ROBO2: variants seen among roughly 807,000 people sequenced by gnomAD.
The protein encoded by ROBO2 is roundabout guidance receptor 2.
Under a neutral mutation model 160.8 loss-of-function variants are expected in ROBO2, and 53 were observed. That is an observed-to-expected ratio of 0.33 (90% CI 0.26 to 0.41). The LOEUF (loss-of-function observed/expected upper bound fraction) is 0.41, where lower values mean the gene tolerates loss of function less well. Among genes scored for constraint, ROBO2 ranks in the 10% least tolerant of loss-of-function variants. The pLI, the probability that ROBO2 is intolerant of heterozygous loss-of-function variation, is 1.00. For missense variants in ROBO2, 1,577 were observed against 1,722.4 expected (o/e 0.92, Z 1.49); for synonymous variants, 664 against 611.7 (o/e 1.09, Z -1.26).
At chr3:76,982,413 T>C (rs1403539736) in intron 2 of ROBO2, among the ~76,000 whole-genome samples, 1 of 152,222 alleles carries the variant, frequency 6.6e-6, no homozygotes, top group African/African-American at 2.4e-5. Flanking sequence ...GACTCTCAAT[T>C]ATGTTCCATT....
At chr3:76,218,261 G>A (rs1018843676) in intron 2 of ROBO2, among the ~76,000 whole-genome samples, 6 of 152,164 alleles carry the variant, frequency 3.9e-5, no homozygotes, top group African/African-American at 1.4e-4. Context: ...ACAAGACAGG[G>A]ATGCCCTCTC....
At chr3:76,512,279 T>C (rs1234935687) in intron 2 of ROBO2, among the ~76,000 whole-genome samples, 2 of 149,284 alleles carry the variant, frequency 1.3e-5, no homozygotes, top group African/African-American at 4.9e-5. Context: ...TATATATATA[T>C]ATGGAATAAA....
At chr3:76,398,176 G>T (rs537531500) in intron 2 of ROBO2, among the ~76,000 whole-genome samples, 1 of 151,918 alleles carries the variant, frequency 6.6e-6, no homozygotes, top group African/African-American at 2.4e-5. Context: ...TCCTTTGTAG[G>T]GACATGGATG....
chr3:75,978,702 A>C (rs1236669039), intron 2 of ROBO2, among the ~76,000 whole-genome samples: 1 of 151,604 alleles, frequency 6.6e-6, no homozygotes, highest in East Asian at 1.9e-4. Context: ...GTAAAGACAC[A>C]TGCAAGTTCC....
chr3:76,603,364 A>G (rs1435095383), intron 2 of ROBO2, among the ~76,000 whole-genome samples: 2 of 131,400 alleles, frequency 1.5e-5, no homozygotes, highest in African/African-American at 5.7e-5. Flanking sequence ...ATATATATAT[A>G]TATATATATA....
chr3:77,362,725 T>C (rs2153469748), intron 2 of ROBO2, among the ~76,000 whole-genome samples: 1 of 152,212 alleles, frequency 6.6e-6, no homozygotes, highest in African/African-American at 2.4e-5. Context: ...GACTGGGTAA[T>C]TTATAAAGGA....
At chr3:76,108,739 AC>A (rs1377510891) in intron 2 of ROBO2, among the ~76,000 whole-genome samples, 4 of 151,408 alleles carry the variant, frequency 2.6e-5, no homozygotes, top group Non-Finnish European at 5.9e-5. Flanking sequence ...ACTATGTATT[AC>A]CAAATTCTGT....
chr3:76,030,683 G>A (rs565351678), intron 2 of ROBO2, among the ~76,000 whole-genome samples: 1 of 152,276 alleles, frequency 6.6e-6, no homozygotes, highest in Non-Finnish European at 1.5e-5. Context: ...TTGTAGATGT[G>A]TGATGTTATT....
chr3:75,979,973 CT>C (rs545827771), intron 2 of ROBO2, among the ~76,000 whole-genome samples: 53 of 151,566 alleles, frequency 3.5e-4, no homozygotes, highest in Admixed American at 2.3e-3. Context: ...GATAAAAGTG[CT>C]GAATTATATG....
chr3:77,389,221 C>T (rs528238226), intron 2 of ROBO2, among the ~76,000 whole-genome samples: 32 of 152,104 alleles, frequency 2.1e-4, no homozygotes, highest in Non-Finnish European at 3.5e-4. Context: ...TGGGATTACA[C>T]GTGTGAGCCA....
intron 2 of ROBO2, among the ~76,000 whole-genome samples, chr3:76,214,597 C>A (rs1703373866): frequency 6.6e-6 from 1 of 152,192 alleles, no homozygotes; most frequent in Non-Finnish European, 1.5e-5. Context: ...AACTGCAAGG[C>A]AGCAGCAAGG....
At chr3:77,231,347 T>C (rs1167623675) in intron 2 of ROBO2, among the ~76,000 whole-genome samples, 1 of 117,100 alleles carries the variant, frequency 8.5e-6, no homozygotes, top group African/African-American at 3.5e-5. Context: ...TGGGCAGCAG[T>C]GAGTGAGACT....
chr3:77,544,466 C>T (rs1235823561), intron 6 of ROBO2, among the ~76,000 whole-genome samples: 3 of 152,076 alleles, frequency 2.0e-5, no homozygotes, highest in Non-Finnish European at 4.4e-5. Flanking sequence ...CCATCTGTCC[C>T]TGGGTTATGC....
chr3:76,393,049 G>A (rs998895439), intron 2 of ROBO2, among the ~76,000 whole-genome samples: 3 of 152,100 alleles, frequency 2.0e-5, no homozygotes, highest in African/African-American at 7.2e-5. Flanking sequence ...CTTAAATAAG[G>A]ACCTGTCAAG....
At chr3:76,182,488 A>AC (rs1559619416) in intron 2 of ROBO2, among the ~76,000 whole-genome samples, 2 of 152,090 alleles carry the variant, frequency 1.3e-5, no homozygotes, top group African/African-American at 4.8e-5. Context: ...AGGTTGTGTT[A>AC]CCCTACTTAG....
chr3:76,270,616 A>G (rs1370636695), intron 2 of ROBO2, among the ~76,000 whole-genome samples: 1 of 152,044 alleles, frequency 6.6e-6, no homozygotes, highest in South Asian at 2.1e-4. Flanking sequence ...ATTTTATTTT[A>G]TTGAGCACCT....
chr3:76,268,982 A>C (rs1707263458), intron 2 of ROBO2, among the ~76,000 whole-genome samples: 1 of 152,136 alleles, frequency 6.6e-6, no homozygotes, highest in Non-Finnish European at 1.5e-5. Context: ...GATTTGTTTA[A>C]TATTATTTGT....
At chr3:77,505,876 T>C (rs2088440540) in intron 5 of ROBO2, among the ~76,000 whole-genome samples, 1 of 152,198 alleles carries the variant, frequency 6.6e-6, no homozygotes, top group African/African-American at 2.4e-5. Flanking sequence ...TATACAGTAA[T>C]TTATTTCTAG....
intron 2 of ROBO2, among the ~76,000 whole-genome samples, chr3:76,557,957 A>C (rs2083911515): frequency 6.6e-6 from 1 of 151,854 alleles, no homozygotes; most frequent in Non-Finnish European, 1.5e-5. Context: ...CAAAATAGTT[A>C]TCATGCGGAT....
Sources: allele counts gnomAD v4.1 joint callset (sites outside exome capture counted in the v4.1 genomes callset), GRCh38; gene constraint gnomAD v4.1.1; transcripts MANE v1.5; gene names NCBI Gene and HGNC (gene_info 2026-07-23, HGNC 2026-07-21).